MAEA: variants seen among roughly 807,000 people sequenced by gnomAD.
MAEA encodes E3 ubiquitin-protein transferase MAEA.
MAEA carries 22 observed loss-of-function variants against 46.2 expected under a neutral mutation model. The ratio of observed to expected loss-of-function variants is 0.48; its 90% CI spans 0.34 to 0.68. The LOEUF (loss-of-function observed/expected upper bound fraction) is 0.68, where lower values mean the gene tolerates loss of function less well. Ranked by LOEUF, MAEA falls within the 30% of genes least tolerant of loss-of-function variation. MAEA has a pLI of 0.01. For synonymous variants in MAEA, 246 were observed against 222.6 expected (o/e 1.11, Z -0.94); for missense variants, 393 against 558.1 (o/e 0.70, Z 2.98).
At chr4:1,327,271 A>G (rs1397311626) in intron 4 of MAEA, among the ~76,000 whole-genome samples, 1 of 152,204 alleles carries the variant, frequency 6.6e-6, no homozygotes, top group Non-Finnish European at 1.5e-5. Flanking sequence ...TTGTCCTTGC[A>G]GAGGGGTTGG....
At chr4:1,331,883 G>A (rs1323795574) in intron 5 of MAEA, 1 of 153,036 alleles carries the variant, frequency 6.5e-6, no homozygotes, top group Non-Finnish European at 1.5e-5. Context: ...CTGGAGTGGG[G>A]TTCTGGCCTG....
chr4:1,309,832 C>G (rs939042214), intron 1 of MAEA: 3 of 1,354,352 alleles, frequency 2.2e-6, no homozygotes, highest in South Asian at 1.8e-5. Flanking sequence ...ACCAGCTGCC[C>G]GGAGCTCTGC....
rs1712892363 is a variant in MAEA at position 1,337,228 on chromosome 4, T to C, written c.899+234T>C. 1.3e-5 allele frequency: 7 copies of C among 555,036 alleles called. No homozygotes were observed. The South Asian group carries it at 1.5e-4, about 12-fold the overall frequency. The allele number at this position is 555,036 out of a possible 1,614,324, so 34.4% of individuals were successfully genotyped here. A position where few individuals can be genotyped will look rare whatever the true frequency, so the allele number is the denominator to read the frequency against. Reference sequence around the variant, plus strand: ...AAGTGGCGCGCTTCCTCTCTCATCATCTCAGAGGCCGCCATGGGCATTGAT... The same window carrying C: ...AAGTGGCGCGCTTCCTCTCTCATCACCTCAGAGGCCGCCATGGGCATTGAT... On this transcript the variant is annotated intron_variant, in intron 7 of 8. Transcript: ENST00000303400.
intron 4 of MAEA, among the ~76,000 whole-genome samples, chr4:1,326,144 T>A (rs966447920): frequency 2.0e-5 from 3 of 152,008 alleles, no homozygotes; most frequent in African/African-American, 7.3e-5. Context: ...GCAGGCGGGG[T>A]GGGCTGGAGC....
Position 1,323,000 on chromosome 4 carries a change from G to GGTGGA in MAEA, c.579+501_579+505dup, listed in dbSNP as rs1344531913. 2.9e-4 allele frequency among the ~76,000 whole-genome samples: 42 copies of GGTGGA among 145,274 alleles called. 1 individual carries two copies. In the Admixed American group the frequency reaches 3.0e-3, roughly 10 times the overall value. ...AGACGGAGTCTCGCTTTGTCGCCAG[G>GGTGGA]GTGGAGTGCAGTGGCACGATCTTGG... On this transcript the variant is annotated intron_variant, in intron 4 of 8. Transcript: ENST00000303400.
At chr4:1,336,207 C>T (rs1033647256) in intron 6 of MAEA, among the ~76,000 whole-genome samples, 6 of 151,458 alleles carry the variant, frequency 4.0e-5, no homozygotes, top group African/African-American at 1.2e-4. Context: ...ACTCGTCCCG[C>T]AGAGTGTTGA....
chr4:1,307,308 C>G (rs1469306809), intron 1 of MAEA, among the ~76,000 whole-genome samples: 1 of 152,138 alleles, frequency 6.6e-6, no homozygotes, highest in African/African-American at 2.4e-5. Flanking sequence ...AGCCATTGAA[C>G]AAAACTGCCT....
intron 3 of MAEA, among the ~76,000 whole-genome samples, chr4:1,315,924 G>T (rs1475517017): frequency 1.5e-5 from 2 of 131,408 alleles, no homozygotes; most frequent in Non-Finnish European, 1.5e-5. Flanking sequence ...GTGTGTGTCT[G>T]CGCTGTGGTG....
At chr4:1,294,505 T>C (rs951031702) in intron 1 of MAEA, among the ~76,000 whole-genome samples, 1 of 152,138 alleles carries the variant, frequency 6.6e-6, no homozygotes, top group Non-Finnish European at 1.5e-5. Context: ...ACGTGAGGCC[T>C]GGAGCGGCCC....
intron 1 of MAEA, among the ~76,000 whole-genome samples, chr4:1,309,130 G>A (rs1462078915): frequency 6.6e-6 from 1 of 152,150 alleles, no homozygotes; most frequent in Non-Finnish European, 1.5e-5. Flanking sequence ...TTTGTCCACG[G>A]ATTTATTGTG....
At chr4:1,316,934 CCGGCCCCACA>C (rs1737263422) in intron 3 of MAEA, among the ~76,000 whole-genome samples, 7 of 150,088 alleles carry the variant, frequency 4.7e-5, no homozygotes, top group African/African-American at 1.2e-4. Context: ...CCAGGCCCAC[CCGGCCCCACA>C]CTCCAGACTC....
At chr4:1,332,917 T>A in intron 6 of MAEA, 52 bp downstream of exon 6, 4 of 1,417,328 alleles carry the variant, frequency 2.8e-6, no homozygotes, top group Non-Finnish European at 2.9e-6. Context: ...GGATCCAGGG[T>A]GTGTCTCTGG....
Position 1,322,413 on chromosome 4 carries a change from C to G in MAEA, c.489C>G (p.Ala163=), listed in dbSNP as rs771606166. 10 of 1,614,042 alleles carry G rather than the reference C, an allele frequency of 6.2e-6. No homozygotes were observed. The highest frequency in any genetic ancestry group is 8.5e-6 in the Non-Finnish European group (10 of 1,180,004). Residue 163 remains alanine (A), a synonymous_variant, in exon 4 of 9, where the codon GCC becomes GCG. Transcript: ENST00000303400. ...DLVNIEMFLT[A]KEVEESLERR... ...TGAATATTGAGATGTTCCTGACGGC[C>G]AAAGAGGTGGAGGAGTCCCTGGAGA...
chr4:1,323,924 G>T (rs548744800), intron 4 of MAEA, among the ~76,000 whole-genome samples: 1 of 152,258 alleles, frequency 6.6e-6, no homozygotes, highest in African/African-American at 2.4e-5. Context: ...GTTGAGATTG[G>T]ATGCCTGGTG....
chr4:1,323,553 C>A (rs774316696), intron 4 of MAEA: 1 of 702,548 alleles, frequency 1.4e-6, no homozygotes, highest in Admixed American at 2.0e-5. Flanking sequence ...GCTAGTAGCT[C>A]CCCTAAAGAG....
At chr4:1,293,676 TC>T (rs1191240687) in intron 1 of MAEA, among the ~76,000 whole-genome samples, 1 of 152,112 alleles carries the variant, frequency 6.6e-6, no homozygotes, top group East Asian at 1.9e-4. Flanking sequence ...CTCCAGTGAG[TC>T]CTCTCACACC....
rs780543803 is a variant in MAEA, at chr4:1,312,165, G to A, written c.252+4G>A. On this transcript the variant is annotated splice_donor_region_variant and intron_variant, in intron 2 of 8. Transcript: ENST00000303400. ...GCTCAGCGTCCTCAAGAGGAAGGTTGGTCCCGCCTGGCGGTCCCTCTTCAG... is the reference window on the plus strand; with the variant it reads ...GCTCAGCGTCCTCAAGAGGAAGGTTAGTCCCGCCTGGCGGTCCCTCTTCAG... 1 of 1,613,836 alleles carries A rather than the reference G, an allele frequency of 6.2e-7. No homozygotes were observed. Among genetic ancestry groups the A allele is most frequent in the South Asian group, 1.1e-5 (1 of 91,084 alleles).
intron 5 of MAEA, chr4:1,329,952 T>G (rs1461861683): frequency 2.0e-6 from 2 of 985,324 alleles, no homozygotes; most frequent in African/African-American, 3.5e-5. Context: ...GGGCACCATC[T>G]ACAGGGCTTG....
intron 3 of MAEA, among the ~76,000 whole-genome samples, chr4:1,316,310 GGGCAGTTGTCCACTGCTGTGGGGGCCCAT>G (rs35420448): frequency 0.093 from 14,216 of 152,070 alleles, 1,340 homozygotes; most frequent in East Asian, 0.42. Context: ...CTCTGCCATC[GGGCAGTTGTCCACTGCTGTGGGGGCCCAT>G]GGCAGTTGGA....
Sources: allele counts gnomAD v4.1 joint callset (sites outside exome capture counted in the v4.1 genomes callset), GRCh38; gene constraint gnomAD v4.1.1; transcripts MANE v1.5; gene names NCBI Gene and HGNC (gene_info 2026-07-23, HGNC 2026-07-21).